Variants in CENPP observed in about 807,000 individuals in gnomAD.
CENPP encodes centromere protein P.
In CENPP, 24 loss-of-function variants were observed where a neutral mutation model predicts 35.6. The observed-to-expected ratio is 0.67, with a 90% CI of 0.49 to 0.95. The LOEUF is 0.95. CENPP is among the 40% of genes least tolerant of loss of function. The pLI is 0.00. For synonymous variants in CENPP, 120 were observed against 125.5 expected (o/e 0.96, Z 0.29); for missense variants, 332 against 345.3 (o/e 0.96, Z 0.31).
chr9:92,412,191 A>T (rs1389087201), intron 5 of CENPP, among the ~76,000 whole-genome samples: 1 of 151,992 alleles, frequency 6.6e-6, no homozygotes, highest in African/African-American at 2.4e-5. Flanking sequence ...GGCTCAAGCA[A>T]TCTTTCTGCT....
At chr9:92,339,734 C>T (rs1321801709) in intron 3 of CENPP, 2 of 153,536 alleles carry the variant, frequency 1.3e-5, no homozygotes, top group African/African-American at 4.8e-5. Flanking sequence ...TATCACATGA[C>T]CACAAAGATC....
chr9:92,335,811 A>C (rs1172216329), intron 2 of CENPP, among the ~76,000 whole-genome samples: 1 of 152,204 alleles, frequency 6.6e-6, no homozygotes, highest in Non-Finnish European at 1.5e-5. Context: ...TCTCTAAATC[A>C]GGTCATTTAA....
intron 5 of CENPP, among the ~76,000 whole-genome samples, chr9:92,454,179 T>A (rs1844802478): frequency 6.6e-6 from 1 of 152,224 alleles, no homozygotes; most frequent in Non-Finnish European, 1.5e-5. Flanking sequence ...GTTTATGATT[T>A]TTATTAGTGA....
At chr9:92,546,334 C>A (rs532523705) in intron 5 of CENPP, among the ~76,000 whole-genome samples, 1 of 152,194 alleles carries the variant, frequency 6.6e-6, no homozygotes, top group Non-Finnish European at 1.5e-5. Context: ...CACCAGAGGT[C>A]CCCTTCCACT....
chr9:92,407,866 CTGTGGAGTT>C (rs1843348851), intron 5 of CENPP, among the ~76,000 whole-genome samples: 1 of 152,162 alleles, frequency 6.6e-6, no homozygotes, highest in Non-Finnish European at 1.5e-5. Context: ...ACCTTGGCCT[CTGTGGAGTT>C]CTTTTAGGTG....
At chr9:92,547,853 GAC>G (rs1849505566) in intron 5 of CENPP, among the ~76,000 whole-genome samples, 2 of 152,234 alleles carry the variant, frequency 1.3e-5, no homozygotes, top group South Asian at 4.1e-4. Context: ...GTGAAATACT[GAC>G]AGTTTTCCCT....
At chr9:92,347,688 T>C (rs1841330994) in intron 4 of CENPP, among the ~76,000 whole-genome samples, 1 of 152,242 alleles carries the variant, frequency 6.6e-6, no homozygotes, top group Admixed American at 6.5e-5. Flanking sequence ...TGACTCTTGC[T>C]TCTACCTTGA....
chr9:92,385,564 T>A, intron 5 of CENPP: 1 of 1,474,778 alleles, frequency 6.8e-7, no homozygotes, highest in Non-Finnish European at 9.4e-7. Context: ...TTACTCATTG[T>A]TGAGACAGAC....
At chr9:92,428,744 G>A (rs1294704591) in intron 5 of CENPP, among the ~76,000 whole-genome samples, 1 of 152,082 alleles carries the variant, frequency 6.6e-6, no homozygotes, top group East Asian at 1.9e-4. Flanking sequence ...TTCCAGTGAT[G>A]CTTTATTTAA....
chr9:92,574,334 T>C (rs1303369559), intron 5 of CENPP, among the ~76,000 whole-genome samples: 2 of 151,954 alleles, frequency 1.3e-5, no homozygotes, highest in Non-Finnish European at 2.9e-5. Flanking sequence ...CAAAAACCTG[T>C]GAAAACAAAT....
intron 3 of CENPP, chr9:92,341,567 G>T (rs1841120609): frequency 6.6e-6 from 1 of 152,234 alleles, no homozygotes; most frequent in Admixed American, 6.5e-5. Context: ...GATTATTGGG[G>T]TAGGTCCCCC....
chr9:92,510,488 A>G (rs1563976101), intron 5 of CENPP, among the ~76,000 whole-genome samples: 1 of 152,244 alleles, frequency 6.6e-6, no homozygotes, highest in Non-Finnish European at 1.5e-5. Flanking sequence ...CTACTCCAGA[A>G]AGGTCATAAA....
chr9:92,404,535 T>C lies in CENPP; in HGVS notation c.564+24676T>C, dbSNP rs181807087. ...TGAAGTTTTTTGTGGTTTTCCTCAA[T>C]AGATGTTCATGTCTGTGCATTAGCC... On this transcript the variant is annotated intron_variant, in intron 5 of 7. Coordinates refer to ENST00000375587, the MANE Select transcript of CENPP (RefSeq NM_001012267.3). The C allele has an allele frequency of 2.2e-4, 286 of 1,298,996 alleles. 5 individuals carry two copies. In the Admixed American group the frequency reaches 6.6e-3, roughly 30 times the overall value. The allele number at this position is 1,298,996 out of a possible 1,614,324, so 80.5% of individuals were successfully genotyped here.
intron 5 of CENPP, among the ~76,000 whole-genome samples, chr9:92,408,479 C>T (rs552663979): frequency 1.1e-4 from 17 of 152,322 alleles, no homozygotes; most frequent in African/African-American, 4.1e-4. Flanking sequence ...CCATTGCACC[C>T]AGCTGAGTTC....
intron 5 of CENPP, among the ~76,000 whole-genome samples, chr9:92,431,563 TTTTTCTTTTC>T (rs941615550): frequency 1.3e-5 from 2 of 152,090 alleles, no homozygotes; most frequent in African/African-American, 4.8e-5. Flanking sequence ...TTTTTACTCA[TTTTTCTTTTC>T]TTTTCTTTTC....
intron 5 of CENPP, among the ~76,000 whole-genome samples, chr9:92,600,803 A>T (rs1850893389): frequency 6.6e-6 from 1 of 152,190 alleles, no homozygotes; most frequent in African/African-American, 2.4e-5. Context: ...CTCCCTGTGG[A>T]CAAGCAATCC....
At chr9:92,416,058 G>GTGTGTGTGTATATATATATATATA (rs6151074) in intron 5 of CENPP, among the ~76,000 whole-genome samples, 4 of 130,930 alleles carry the variant, frequency 3.1e-5, no homozygotes, top group East Asian at 2.2e-4. Context: ...ATATATGTGT[G>GTGTGTGTGTATATATATATATATA]TATATATATA....
intron 5 of CENPP, among the ~76,000 whole-genome samples, chr9:92,607,204 T>TG (rs1454429472): frequency 7.0e-6 from 1 of 142,308 alleles, no homozygotes; most frequent in East Asian, 3.6e-4. Flanking sequence ...GAAGTTTGTT[T>TG]TTTTTATCAT....
At chr9:92,354,766 T>G (rs1289154751) in intron 4 of CENPP, among the ~76,000 whole-genome samples, 1 of 152,178 alleles carries the variant, frequency 6.6e-6, no homozygotes, top group African/African-American at 2.4e-5. Flanking sequence ...TATTTCAGCA[T>G]AGGTTCTTTC....
Sources: allele counts gnomAD v4.1 joint callset (sites outside exome capture counted in the v4.1 genomes callset), GRCh38; gene constraint gnomAD v4.1.1; transcripts MANE v1.5; gene names NCBI Gene and HGNC (gene_info 2026-07-23, HGNC 2026-07-21).